The following FAM135A variants were observed in gnomAD, a reference collection of about 807,000 sequenced individuals.
The protein encoded by FAM135A is protein FAM135A.
FAM135A carries 79 observed loss-of-function variants against 146.8 expected under a neutral mutation model. The observed-to-expected ratio is 0.54, with a 90% CI of 0.45 to 0.65. The LOEUF is 0.65. Ranked by LOEUF, FAM135A falls within the 30% of genes least tolerant of loss-of-function variation. FAM135A has a pLI of 0.00. For missense variants in FAM135A, 1,623 were observed against 1,758.2 expected (o/e 0.92, Z 1.38); for synonymous variants, 562 against 603.6 (o/e 0.93, Z 1.01).
At chr6:70,457,207 A>C (rs566117182) in intron 5 of FAM135A, among the ~76,000 whole-genome samples, 7 of 152,320 alleles carry the variant, frequency 4.6e-5, no homozygotes, top group African/African-American at 1.7e-4. Flanking sequence ...TGTCTTTAGT[A>C]ATTTATGAGC....
chr6:70,426,131 A>C lies in FAM135A; in HGVS notation c.-133-308A>C, dbSNP rs568544413. ...TCTCAAAAAAAAAAAACAACAACAA[A>C]AAAAAAATTAATGAGCTTATAATGT... On this transcript the variant is annotated intron_variant, in intron 2 of 21. Transcript: ENST00000418814. 4.8e-3 allele frequency among the ~76,000 whole-genome samples: 701 copies of C among 147,210 alleles called. 4 individuals carry two copies. The highest frequency in any genetic ancestry group is 0.012 in the African/African-American group (492 of 40,082).
At chr6:70,547,771 A>T (rs929626963) in intron 20 of FAM135A, among the ~76,000 whole-genome samples, 6 of 152,228 alleles carry the variant, frequency 3.9e-5, no homozygotes, top group African/African-American at 1.2e-4. Flanking sequence ...TCATATATCA[A>T]TCATGTTATT....
chr6:70,545,888 A>G (rs990023926), intron 20 of FAM135A, among the ~76,000 whole-genome samples: 33 of 152,224 alleles, frequency 2.2e-4, no homozygotes, highest in Non-Finnish European at 4.3e-4. Flanking sequence ...CATGGTTCAC[A>G]CTGCATCATG....
chr6:70,465,879 T>C (rs1324781093), intron 5 of FAM135A, among the ~76,000 whole-genome samples: 1 of 152,208 alleles, frequency 6.6e-6, no homozygotes, highest in African/African-American at 2.4e-5. Context: ...CTCCATTTCT[T>C]CCTCCTGAAA....
chr6:70,513,468 C>T (rs1791508814), intron 12 of FAM135A: 1 of 150,384 alleles, frequency 6.6e-6, no homozygotes, highest in Non-Finnish European at 1.5e-5. Flanking sequence ...GGGACAATTA[C>T]CTCCTTAACC....
chr6:70,517,493 A>G (rs949182151), intron 12 of FAM135A, among the ~76,000 whole-genome samples: 1 of 143,802 alleles, frequency 7.0e-6, no homozygotes, highest in African/African-American at 2.6e-5. Context: ...ATCTTAGCTC[A>G]CTGCAACCTC....
chr6:70,545,630 T>G (rs1798716735), intron 20 of FAM135A, among the ~76,000 whole-genome samples: 1 of 151,976 alleles, frequency 6.6e-6, no homozygotes, highest in Non-Finnish European at 1.5e-5. Flanking sequence ...AGAAAAAGAG[T>G]ACCATTTTCT....
At chr6:70,548,300 C>CT (rs958683486) in intron 20 of FAM135A, among the ~76,000 whole-genome samples, 38 of 152,226 alleles carry the variant, frequency 2.5e-4, no homozygotes, top group African/African-American at 9.1e-4. Context: ...TATTAATACA[C>CT]TTTTTTTAAA....
At chr6:70,435,163 G>A (rs1772769491) in intron 4 of FAM135A, among the ~76,000 whole-genome samples, 1 of 147,418 alleles carries the variant, frequency 6.8e-6, no homozygotes, top group South Asian at 2.2e-4. Flanking sequence ...GAGGGCAGTG[G>A]CGTGATCTTG....
At chr6:70,500,690 G>A (rs770757488) in intron 11 of FAM135A, among the ~76,000 whole-genome samples, 36 of 152,122 alleles carry the variant, frequency 2.4e-4, no homozygotes, top group African/African-American at 6.8e-4. Flanking sequence ...TGTTGATGTC[G>A]ATGTTTTTGT....
At chr6:70,420,008 T>G (rs188078553) in intron 2 of FAM135A, among the ~76,000 whole-genome samples, 16 of 152,312 alleles carry the variant, frequency 1.1e-4, no homozygotes, top group African/African-American at 3.8e-4. Context: ...TTGCCTTATG[T>G]GGTATCTTTT....
intron 17 of FAM135A, 42 bp from the exon 18 acceptor site, chr6:70,533,715 C>A: frequency 8.6e-7 from 1 of 1,165,948 alleles, no homozygotes; most frequent in Non-Finnish European, 1.2e-6. Context: ...TGTGATTATA[C>A]ATATTCCCAA....
Position 70,524,868 on chromosome 6 carries a change from C to T in FAM135A, c.1784C>T (p.Pro595Leu). Residue 595 changes from proline (P) to leucine (L), a missense_variant, in exon 15 of 22, where the codon CCA becomes CTA. Pro to Leu is a moderately conservative substitution (Grantham distance 98). This residue lies in a region of FAM135A where 1,061 missense variants were observed against 1,113.8 expected (regional missense o/e 0.95). Coordinates refer to ENST00000418814, the MANE Select transcript of FAM135A (RefSeq NM_001162529.3). The stretch of plus-strand genomic sequence containing the variant: ...TCTCCAGATATTGAAAATGTTCAAC[C>T]AGACCAGTTTGATCCTTTGAACTCT... ...QKSPDIENVQPDQFDPLNSGN... is the reference protein window; with the variant it reads ...QKSPDIENVQLDQFDPLNSGN... The T allele has an allele frequency of 1.2e-6, 2 of 1,609,606 alleles. No individual in the cohort carries two copies. The highest frequency in any genetic ancestry group is 1.7e-6 in the Non-Finnish European group (2 of 1,177,682).
At chr6:70,545,843 C>T (rs1798764321) in intron 20 of FAM135A, among the ~76,000 whole-genome samples, 1 of 152,156 alleles carries the variant, frequency 6.6e-6, no homozygotes, top group Non-Finnish European at 1.5e-5. Flanking sequence ...TGCCTGAGGT[C>T]ACTTAGCTTT....
At chr6:70,545,798 A>T (rs1234563089) in intron 20 of FAM135A, among the ~76,000 whole-genome samples, 1 of 152,194 alleles carries the variant, frequency 6.6e-6, no homozygotes, top group Non-Finnish European at 1.5e-5. Flanking sequence ...CACTTTGCAG[A>T]TGAGGACACT....
chr6:70,446,270 C>T (rs1393132494), intron 4 of FAM135A, among the ~76,000 whole-genome samples: 3 of 152,190 alleles, frequency 2.0e-5, no homozygotes, highest in African/African-American at 7.2e-5. Context: ...TTAGCTTCTA[C>T]AACAGGCCAT....
At chr6:70,486,076 TAA>T (rs1049444181) in intron 10 of FAM135A, 7 of 995,558 alleles carry the variant, frequency 7.0e-6, no homozygotes, top group Admixed American at 2.1e-5. Context: ...AGATCAACAC[TAA>T]GTCTATTATT....
intron 12 of FAM135A, chr6:70,504,179 T>C (rs972583107): frequency 7.9e-5 from 12 of 152,238 alleles, no homozygotes; most frequent in African/African-American, 2.7e-4. Context: ...GGATGCGAAA[T>C]GGTATATTAT....
chr6:70,488,784 T>C (rs1427853519), intron 10 of FAM135A, among the ~76,000 whole-genome samples: 1 of 152,174 alleles, frequency 6.6e-6, no homozygotes, highest in East Asian at 1.9e-4. Context: ...GCAAGTTTCA[T>C]ATTCTTTCCA....
Sources: gnomAD v4.1 joint callset for allele counts (sites outside exome capture counted in the v4.1 genomes callset) on GRCh38, gnomAD v4.1.1 for gene constraint, gnomAD v4.1.1 regional missense constraint, MANE v1.5 for transcripts, NCBI Gene and HGNC (gene_info 2026-07-23, HGNC 2026-07-21) for gene names.